BAZ1B: variants seen among roughly 807,000 people sequenced by gnomAD.
BAZ1B encodes tyrosine-protein kinase BAZ1B.
A neutral mutation model predicts 153.8 loss-of-function variants in BAZ1B; 22 were observed. That is an observed-to-expected ratio of 0.14 (90% CI 0.10 to 0.20). BAZ1B has a LOEUF of 0.20. BAZ1B is among the 10% of genes least tolerant of loss of function. The pLI, the probability that BAZ1B is intolerant of heterozygous loss-of-function variation, is 1.00. For missense variants in BAZ1B, 1,325 were observed against 1,799.3 expected, an observed-to-expected ratio of 0.74 and a Z score of 4.77; for synonymous variants, 676 against 633.4, an observed-to-expected ratio of 1.07 and a Z score of -1.01.
intron 6 of BAZ1B, among the ~76,000 whole-genome samples, chr7:73,486,945 G>A (rs1030142448): frequency 2.6e-5 from 4 of 152,176 alleles, no homozygotes; most frequent in African/African-American, 4.8e-5. Flanking sequence ...CTTATATACA[G>A]AAAACAATCA....
At chr7:73,482,402 AC>A (rs1200555616) in intron 6 of BAZ1B, among the ~76,000 whole-genome samples, 2 of 152,202 alleles carry the variant, frequency 1.3e-5, no homozygotes, top group Non-Finnish European at 2.9e-5. Flanking sequence ...AAAGTTAACA[AC>A]CTTCTTCAGT....
intron 5 of BAZ1B, among the ~76,000 whole-genome samples, chr7:73,491,115 G>A (rs373254761): frequency 1.3e-5 from 2 of 151,738 alleles, no homozygotes; most frequent in East Asian, 2.0e-4. Flanking sequence ...GTGAAATCCC[G>A]TATCTACTAA....
intron 7 of BAZ1B, among the ~76,000 whole-genome samples, chr7:73,475,735 G>A (rs1554572658): frequency 6.6e-6 from 1 of 152,044 alleles, no homozygotes; most frequent in Admixed American, 6.6e-5. Context: ...AACCAGCCTG[G>A]CCAACACGGT....
intron 6 of BAZ1B, among the ~76,000 whole-genome samples, chr7:73,480,136 C>T (rs1173493172): frequency 1.4e-5 from 2 of 146,726 alleles, no homozygotes; most frequent in East Asian, 4.0e-4. Flanking sequence ...CCAGCTTGGG[C>T]GATGGAGCAA....
intron 4 of BAZ1B, among the ~76,000 whole-genome samples, chr7:73,497,065 CA>C (rs1156829240): frequency 0.011 from 538 of 49,498 alleles, 6 homozygotes; most frequent in Admixed American, 0.017. Flanking sequence ...CTGACCTCTA[CA>C]AAAAAAAAAA....
intron 12 of BAZ1B, among the ~76,000 whole-genome samples, chr7:73,460,741 G>A (rs1336403089): frequency 6.6e-6 from 1 of 152,148 alleles, no homozygotes; most frequent in Non-Finnish European, 1.5e-5. Context: ...CTGCTTCACT[G>A]ATCTCTTTTT....
intron 9 of BAZ1B, among the ~76,000 whole-genome samples, chr7:73,468,775 A>G (rs782778592): frequency 1.3e-5 from 2 of 152,172 alleles, no homozygotes; most frequent in Non-Finnish European, 2.9e-5. Context: ...CCCCTAGCGT[A>G]TGACAAACTG....
intron 16 of BAZ1B, among the ~76,000 whole-genome samples, chr7:73,445,636 C>T (rs1171552494): frequency 5.1e-4 from 77 of 151,850 alleles, no homozygotes; most frequent in African/African-American, 1.8e-3. Context: ...TTCGGGAGGC[C>T]AAGGCAGGAG....
In BAZ1B at chr7:73,469,702, G is replaced by A. The variant is rs1788724329; in HGVS notation, c.2733-52C>T. 3.8e-6 allele frequency: 6 copies of A among 1,597,132 alleles called. No individual in the cohort carries two copies. In the South Asian group the frequency reaches 4.4e-5, roughly 12 times the overall value. ...GACAGTGAATAGATCAGGATTGCAGGATGATTTTACTGCTGGAGAAGATAA... is the reference window on the plus strand; with the variant it reads ...GACAGTGAATAGATCAGGATTGCAGAATGATTTTACTGCTGGAGAAGATAA... On this transcript the variant is annotated intron_variant, in intron 8 of 19. Transcript: ENST00000339594.
intron 3 of BAZ1B, among the ~76,000 whole-genome samples, chr7:73,507,592 C>A (rs919221468): frequency 6.6e-6 from 1 of 152,056 alleles, no homozygotes; most frequent in African/African-American, 2.4e-5. Flanking sequence ...ACCAAAAAGA[C>A]AAAATAACAG....
chr7:73,459,812 G>T, intron 12 of BAZ1B, 94 bp from the exon 13 acceptor site: 2 of 1,106,548 alleles, frequency 1.8e-6, no homozygotes, highest in Non-Finnish European at 2.6e-6. Flanking sequence ...AGACTCAAAT[G>T]CCACATAACA....
intron 1 of BAZ1B, among the ~76,000 whole-genome samples, chr7:73,514,667 G>A (rs1324905184): frequency 6.6e-6 from 1 of 152,106 alleles, no homozygotes; most frequent in African/African-American, 2.4e-5. Context: ...TTAGTTGAAT[G>A]TGGTGGCACA....
rs59332717 is a variant in BAZ1B at position 73,446,639 on chromosome 7, G to GAC, written c.3844+623_3844+624dup. 3.9e-3 allele frequency among the ~76,000 whole-genome samples: 587 copies of GAC among 150,902 alleles called. 4 individuals carry two copies. Among genetic ancestry groups the GAC allele is most frequent in the African/African-American group, 0.014 (561 of 41,036 alleles). ...TGGAGGACATTAGCCACAAACACCAGACTCTCCAACACTCATGAGAAATGA... is the reference window on the plus strand; with the variant it reads ...TGGAGGACATTAGCCACAAACACCAGACACTCTCCAACACTCATGAGAAATGA... On this transcript the variant is annotated intron_variant, in intron 16 of 19. Coordinates refer to ENST00000339594, the MANE Select transcript of BAZ1B (RefSeq NM_032408.4).
chr7:73,493,455 G>A (rs543884501), intron 4 of BAZ1B, among the ~76,000 whole-genome samples: 16 of 151,920 alleles, frequency 1.1e-4, no homozygotes, highest in African/African-American at 2.9e-4. Context: ...GCAAGACTCC[G>A]TCTCAAAAAA....
intron 6 of BAZ1B, among the ~76,000 whole-genome samples, chr7:73,482,088 A>G (rs1789225477): frequency 6.6e-6 from 1 of 152,096 alleles, no homozygotes; most frequent in African/African-American, 2.4e-5. Flanking sequence ...TTGTTCCCCA[A>G]TCTCCAATAA....
chr7:73,442,707 T>C lies in BAZ1B; in HGVS notation c.4094+18A>G. 6.2e-7 allele frequency: 1 copy of C among 1,611,684 alleles called. No individual in the cohort carries two copies. The highest frequency in any genetic ancestry group is 1.1e-5 in the South Asian group (1 of 90,988). ...CCAGGCCACTCCTCTCCCCTGCACC[T>C]GAGAACACAGCACTCACCTGAAGGG... is the stretch of plus-strand genomic sequence containing the variant. On this transcript the variant is annotated intron_variant, in intron 18 of 19. Coordinates refer to ENST00000339594, the MANE Select transcript of BAZ1B (RefSeq NM_032408.4).
intron 3 of BAZ1B, among the ~76,000 whole-genome samples, chr7:73,507,620 GAAA>G (rs869217089): frequency 9.2e-5 from 14 of 152,238 alleles, no homozygotes; most frequent in African/African-American, 3.4e-4. Context: ...AAAAAAGGAT[GAAA>G]AAGACAAAGG....
At chr7:73,490,582 C>T (rs1481910644) in intron 5 of BAZ1B, among the ~76,000 whole-genome samples, 2 of 151,624 alleles carry the variant, frequency 1.3e-5, no homozygotes, top group African/African-American at 4.8e-5. Context: ...ACAAGGGATA[C>T]TTAGGGAAGT....
At chr7:73,446,185 T>A (rs1238848202) in intron 16 of BAZ1B, among the ~76,000 whole-genome samples, 2 of 152,220 alleles carry the variant, frequency 1.3e-5, no homozygotes, top group Non-Finnish European at 2.9e-5. Flanking sequence ...TCACTCCTTA[T>A]ACCAAGTATG....
Sources: gnomAD v4.1 joint callset for allele counts (sites outside exome capture counted in the v4.1 genomes callset) on GRCh38, gnomAD v4.1.1 for gene constraint, MANE v1.5 for transcripts, NCBI Gene and HGNC (gene_info 2026-07-23, HGNC 2026-07-21) for gene names.